The following ZNF69 variants were observed in gnomAD, a reference collection of about 807,000 sequenced individuals.
ZNF69 encodes the protein zinc finger protein 69.
ZNF69 carries 47 observed loss-of-function variants against 50.9 expected under a neutral mutation model. The observed-to-expected ratio is 0.92, with a 90% confidence interval of 0.73 to 1.18. The LOEUF is 1.18. ZNF69 is among the 50% of genes most tolerant of loss of function. The pLI is 0.00. For synonymous variants in ZNF69, 216 were observed against 223.1 expected (o/e 0.97, Z 0.29); for missense variants, 717 against 675.1 (o/e 1.06, Z -0.69).
At chr19:11,941,669 C>T in the ZNF69 span, among the ~76,000 whole-genome samples, 9 of 152,194 alleles carry the variant, frequency 5.9e-5, no homozygotes, top group Non-Finnish European at 1.0e-4. Context: ...TTCCCGCTCG[C>T]GCCTCTCCCT....
the ZNF69 span, among the ~76,000 whole-genome samples, chr19:11,938,110 C>T: frequency 6.6e-6 from 1 of 151,810 alleles, no homozygotes; most frequent in African/African-American, 2.4e-5. Flanking sequence ...ACTCTGTCAT[C>T]CAGGCTGGAG....
chr19:11,956,712 C>A, the ZNF69 span: 2 of 389,978 alleles, frequency 5.1e-6, no homozygotes, highest in African/African-American at 2.1e-5. Flanking sequence ...AAAAATTAGC[C>A]AGGTGTAGGG....
chr19:11,934,467 A>G, the ZNF69 span, among the ~76,000 whole-genome samples: 1 of 148,298 alleles, frequency 6.7e-6, no homozygotes, highest in Non-Finnish European at 1.5e-5. Context: ...GATTTTAGCT[A>G]CTGCACCAGG....
the ZNF69 span, among the ~76,000 whole-genome samples, chr19:11,936,264 C>T: frequency 6.6e-6 from 1 of 152,188 alleles, no homozygotes; most frequent in Non-Finnish European, 1.5e-5. Flanking sequence ...AATCGCCACA[C>T]TGTCTTCCAC....
At chr19:11,939,917 T>C in the ZNF69 span, 2 of 152,162 alleles carry the variant, frequency 1.3e-5, no homozygotes, top group Non-Finnish European at 2.9e-5. Flanking sequence ...TATCCTGAGG[T>C]TTCACGCATG....
chr19:11,904,776 G>A lies in ZNF69; in HGVS notation c.379G>A (p.Asp127Asn), dbSNP rs770341701. Residue 127 changes from aspartate to asparagine, a missense_variant, in exon 4 of 4, where the codon GAC becomes AAC. Physicochemically the swap from Asp to Asn is conservative, Grantham distance 23 (BLOSUM62 1). Coordinates refer to ENST00000429654, the MANE Select transcript of ZNF69 (RefSeq NM_001364730.1). ...KKASPEIKSC[D>N]SFVCGEVGLG... ...AGCTTCTCCTGAAATAAAATCATGTGACAGCTTTGTGTGTGGAGAAGTTGG... is the reference window on the plus strand; with the variant it reads ...AGCTTCTCCTGAAATAAAATCATGTAACAGCTTTGTGTGTGGAGAAGTTGG... The A allele has an allele frequency of 8.1e-6, 13 of 1,613,946 alleles. No homozygotes were observed. The highest frequency in any genetic ancestry group is 1.0e-5 in the Non-Finnish European group (12 of 1,179,886).
At chr19:11,976,988 C>T in the ZNF69 span, 2 of 1,610,672 alleles carry the variant, frequency 1.2e-6, no homozygotes, top group African/African-American at 1.3e-5. Flanking sequence ...TCTAGGCCCC[C>T]ACTGCTGTCA....
At chr19:11,928,540 G>A in the ZNF69 span, among the ~76,000 whole-genome samples, 4 of 150,342 alleles carry the variant, frequency 2.7e-5, no homozygotes, top group Non-Finnish European at 3.0e-5. Context: ...AGACCATCCC[G>A]GCTAAAACGG....
chr19:11,912,211 G>A (rs774922555), intron 4 of ZNF69, among the ~76,000 whole-genome samples: 6 of 152,104 alleles, frequency 3.9e-5, no homozygotes, highest in Non-Finnish European at 7.4e-5. Flanking sequence ...TGTAAGAAAT[G>A]TGGGAAAGCG....
chr19:11,900,793 CAA>C (rs1482112595), intron 1 of ZNF69, among the ~76,000 whole-genome samples: 9 of 152,254 alleles, frequency 5.9e-5, no homozygotes, highest in Admixed American at 5.9e-4. Context: ...CTTCTTTTAA[CAA>C]AGTCTTTTCC....
At chr19:11,978,549 G>T in the ZNF69 span, 29,189 of 1,614,160 alleles carry the variant, frequency 0.018, 314 homozygotes, top group African/African-American at 0.026. Flanking sequence ...TGGGAAAGCT[G>T]TCCATTGTCT....
the ZNF69 span, chr19:11,948,661 A>G: frequency 1.5e-5 from 24 of 1,611,964 alleles, no homozygotes; most frequent in Non-Finnish European, 1.9e-5. Flanking sequence ...TCGAAGACAC[A>G]TGGTAATGCA....
the ZNF69 span, among the ~76,000 whole-genome samples, chr19:11,957,621 G>A: frequency 6.6e-6 from 1 of 152,104 alleles, no homozygotes; most frequent in African/African-American, 2.4e-5. Flanking sequence ...GAGATGGGCA[G>A]ATCACTTGAG....
the ZNF69 span, among the ~76,000 whole-genome samples, chr19:11,951,976 A>G: frequency 6.6e-6 from 1 of 152,182 alleles, no homozygotes; most frequent in African/African-American, 2.4e-5. Context: ...ATACTTTGAG[A>G]CCAGCCTGAC....
At chr19:11,915,374 C>A (rs1319638508), downstream of ZNF69, among the ~76,000 whole-genome samples, 2 of 152,188 alleles carry the variant, frequency 1.3e-5, no homozygotes, top group Non-Finnish European at 2.9e-5. Flanking sequence ...GTTGGAATGG[C>A]CAATGACAAT....
chr19:11,978,140 T>A, the ZNF69 span: 1 of 1,613,134 alleles, frequency 6.2e-7, no homozygotes, highest in East Asian at 2.2e-5. Context: ...GGAATGTCAA[T>A]GAAATTAAAG....
chr19:11,948,888 T>C, the ZNF69 span: 2 of 1,600,932 alleles, frequency 1.2e-6, no homozygotes, highest in South Asian at 1.1e-5. Flanking sequence ...AAGCATTTCA[T>C]AGTTCTAGTT....
chr19:11,962,908 AG>A, the ZNF69 span, among the ~76,000 whole-genome samples: 37 of 152,298 alleles, frequency 2.4e-4, no homozygotes, highest in African/African-American at 8.2e-4. Flanking sequence ...TGGTTTCACC[AG>A]GGGCTTTTTC....
At chr19:11,924,108 G>T in the ZNF69 span, among the ~76,000 whole-genome samples, 1 of 152,174 alleles carries the variant, frequency 6.6e-6, no homozygotes, top group African/African-American at 2.4e-5. Flanking sequence ...CATGCATGGG[G>T]TCGTTGGGGT....
Sources: gnomAD v4.1 joint callset for allele counts (sites outside exome capture counted in the v4.1 genomes callset) on GRCh38, gnomAD v4.1.1 for gene constraint, MANE v1.5 for transcripts, NCBI Gene and HGNC (gene_info 2026-07-23, HGNC 2026-07-21) for gene names.